AFAP1L2: variants seen among roughly 807,000 people sequenced by gnomAD.
AFAP1L2 encodes actin filament-associated protein 1-like 2.
A neutral mutation model predicts 99.3 loss-of-function variants in AFAP1L2; 46 were observed. The ratio of observed to expected loss-of-function variants is 0.46; its 90% CI spans 0.37 to 0.59. AFAP1L2 has a LOEUF of 0.59. Among genes scored for constraint, AFAP1L2 ranks in the 20% least tolerant of loss-of-function variants. The probability of loss-of-function intolerance (pLI) is 0.00; values close to 1 mark genes in which losing one functional copy is unlikely to be tolerated. For missense variants in AFAP1L2, 959 were observed against 1,034.9 expected (o/e 0.93, Z 1.01); for synonymous variants, 397 against 419.1 (o/e 0.95, Z 0.64).
At chr10:114,394,680 C>T (rs1165581064) in intron 1 of AFAP1L2, among the ~76,000 whole-genome samples, 2 of 152,164 alleles carry the variant, frequency 1.3e-5, no homozygotes, top group African/African-American at 4.8e-5. Context: ...CAGGAGCCAG[C>T]GTGAGCCTGT....
intron 4 of AFAP1L2, among the ~76,000 whole-genome samples, chr10:114,327,147 T>TTATTTTTATATATATATATATA (rs1554902752): frequency 1.8e-5 from 1 of 54,538 alleles, no homozygotes; most frequent in Non-Finnish European, 4.9e-5. Flanking sequence ...TTATATATAT[T>TTATTTTTATATATATATATATA]TATATATATA....
At chr10:114,385,642 C>T (rs2056402761) in intron 1 of AFAP1L2, among the ~76,000 whole-genome samples, 1 of 152,122 alleles carries the variant, frequency 6.6e-6, no homozygotes, top group South Asian at 2.1e-4. Context: ...TGGATGCCTG[C>T]CTCCCTGCCC....
chr10:114,357,702 A>T (rs1322579660), intron 1 of AFAP1L2, among the ~76,000 whole-genome samples: 1 of 152,202 alleles, frequency 6.6e-6, no homozygotes, highest in Non-Finnish European at 1.5e-5. Context: ...TGAAATAATA[A>T]AAGAAGAATG....
At chr10:114,302,564 G>T in intron 11 of AFAP1L2, 80 bp from the exon 12 acceptor site, 1 of 1,567,358 alleles carries the variant, frequency 6.4e-7, no homozygotes, top group Non-Finnish European at 8.7e-7. Flanking sequence ...GGCCATGACC[G>T]TACCCCTACC....
At chr10:114,325,882 C>T in intron 4 of AFAP1L2, 3 of 1,287,706 alleles carry the variant, frequency 2.3e-6, no homozygotes, top group Non-Finnish European at 3.0e-6. Flanking sequence ...GTCCTCTCGC[C>T]TCTGTGGCAG....
chr10:114,368,186 G>A (rs550443145), intron 1 of AFAP1L2, among the ~76,000 whole-genome samples: 2 of 152,274 alleles, frequency 1.3e-5, no homozygotes, highest in East Asian at 1.9e-4. Context: ...AGGACATTAC[G>A]CTAAGTAAAA....
chr10:114,342,914 G>A (rs2049015586), intron 1 of AFAP1L2, among the ~76,000 whole-genome samples: 1 of 152,226 alleles, frequency 6.6e-6, no homozygotes. Flanking sequence ...GACAGGCTTT[G>A]TGTGGAGCTC....
At chr10:114,291,335 C>A, downstream of AFAP1L2, 1 of 1,389,478 alleles carries the variant, frequency 7.2e-7, no homozygotes, top group Non-Finnish European at 9.6e-7. Flanking sequence ...TCTGGAATGT[C>A]TGTGCCCCAG....
rs1564806147 is a variant in AFAP1L2 at position 114,305,130 on chromosome 10, C to CTGG, written c.1073-201_1073-200insCCA. 97 of 353,140 alleles carry CTGG rather than the reference C, an allele frequency of 2.7e-4. 1 individual carries two copies. The East Asian group carries it at 5.0e-3, about 18-fold the overall frequency. The allele number at this position is 353,140 out of a possible 1,614,324, so 21.9% of individuals were successfully genotyped here. A position where few individuals can be genotyped will look rare whatever the true frequency, so the allele number is the denominator to read the frequency against. ...GAGGGGACCGGGCTGCAGGAGGGGA[C>CTGG]GCAGATGCAGGAGGGGACTGGGCTG... On this transcript the variant is annotated intron_variant, in intron 10 of 18. Transcript: ENST00000304129.
chr10:114,333,071 G>A lies in AFAP1L2; in HGVS notation c.220+150C>T, dbSNP rs565291148. The A allele has an allele frequency of 8.6e-5, 59 of 686,262 alleles. 1 individual carries two copies. The highest frequency in any genetic ancestry group is 6.8e-4 in the South Asian group (36 of 53,296). The allele number at this position is 686,262 out of a possible 1,614,324, so 42.5% of individuals were successfully genotyped here. A position where few individuals can be genotyped will look rare whatever the true frequency, so the allele number is the denominator to read the frequency against. ...CCTGAAATACATCAACCCAAAATAC[G>A]ACCAACAAAAATGTGGCTTCCAAAA... is the stretch of plus-strand genomic sequence containing the variant. On this transcript the variant is annotated intron_variant, in intron 3 of 18. Coordinates refer to ENST00000304129, the MANE Select transcript of AFAP1L2 (RefSeq NM_001001936.3).
chr10:114,383,953 G>A (rs565007773), intron 1 of AFAP1L2, among the ~76,000 whole-genome samples: 9 of 152,162 alleles, frequency 5.9e-5, no homozygotes, highest in East Asian at 1.9e-4. Flanking sequence ...CTCCAACCTC[G>A]TCACAGGAAG....
the AFAP1L2 span, among the ~76,000 whole-genome samples, chr10:114,283,804 C>A: frequency 6.6e-5 from 10 of 152,258 alleles, no homozygotes; most frequent in Admixed American, 1.3e-4. Flanking sequence ...GCTATTTCCA[C>A]AGTCTTCTGG....
intron 10 of AFAP1L2, among the ~76,000 whole-genome samples, chr10:114,305,479 GCA>G: frequency 6.9e-6 from 1 of 145,380 alleles, no homozygotes; most frequent in Non-Finnish European, 1.5e-5. Flanking sequence ...GGACGCAGAT[GCA>G]GGAGGGGACG....
intron 1 of AFAP1L2, among the ~76,000 whole-genome samples, chr10:114,371,510 A>G (rs2054094157): frequency 6.6e-6 from 1 of 152,302 alleles, no homozygotes; most frequent in South Asian, 2.1e-4. Flanking sequence ...AAAAACTCCT[A>G]TGTTTACTTT....
At chr10:114,332,661 G>A (rs1024159267) in intron 3 of AFAP1L2, among the ~76,000 whole-genome samples, 2 of 152,166 alleles carry the variant, frequency 1.3e-5, no homozygotes, top group Non-Finnish European at 2.9e-5. Context: ...GGGCCTCCCC[G>A]GGGTCTTGCC....
intron 1 of AFAP1L2, among the ~76,000 whole-genome samples, chr10:114,374,159 C>T (rs555975808): frequency 3.3e-5 from 5 of 152,200 alleles, no homozygotes; most frequent in South Asian, 2.1e-4. Flanking sequence ...GATGTTTTGT[C>T]GGTTATTTCA....
chr10:114,298,623 G>C (rs1012838243), intron 16 of AFAP1L2, among the ~76,000 whole-genome samples: 9 of 151,918 alleles, frequency 5.9e-5, no homozygotes, highest in African/African-American at 2.2e-4. Flanking sequence ...GGCCAAGGCA[G>C]GTGTCCCTTG....
At chr10:114,286,500 G>T in the AFAP1L2 span, 5 of 1,571,144 alleles carry the variant, frequency 3.2e-6, no homozygotes, top group Non-Finnish European at 3.5e-6. Context: ...CTGTGCAGCC[G>T]GCAGCGGCCA....
rs748556898 is a variant in AFAP1L2, at chr10:114,300,647, T to C, written c.1586A>G (p.Asn529Ser). 7.5e-6 allele frequency: 12 copies of C among 1,610,654 alleles called. No individual in the cohort carries two copies. Among genetic ancestry groups the C allele is most frequent in the Non-Finnish European group, 1.0e-5 (12 of 1,178,166 alleles). Residue 529 changes from asparagine (N) to serine (S), a missense_variant, in exon 14 of 19, where the codon AAT becomes AGT. Physicochemically the swap from Asn to Ser is conservative, Grantham distance 46 (BLOSUM62 1). This residue lies in a region of AFAP1L2 where 576 missense variants were observed against 562.1 expected (regional missense o/e 1.02). Coordinates refer to ENST00000304129, the MANE Select transcript of AFAP1L2 (RefSeq NM_001001936.3). ...GTACACTCGGTCAGATTCTCTCTCA[T>C]TTGGGTCATCTGCAACAGGGGTGGC... The part of the protein sequence containing the change: ...EEATPVADDP[N>S]ERESDRVYLD...
Sources: allele counts gnomAD v4.1 joint callset (sites outside exome capture counted in the v4.1 genomes callset), GRCh38; gene constraint gnomAD v4.1.1; regional missense constraint gnomAD v4.1.1; transcripts MANE v1.5; gene names NCBI Gene and HGNC (gene_info 2026-07-23, HGNC 2026-07-21).